ARHGEF10: variants seen among roughly 807,000 people sequenced by gnomAD.
ARHGEF10 encodes the protein Rho guanine nucleotide exchange factor (GEF) 10.
ARHGEF10 carries 140 observed loss-of-function variants against 147.4 expected under a neutral mutation model. The ratio of observed to expected loss-of-function variants is 0.95; its 90% confidence interval spans 0.83 to 1.09. ARHGEF10 has a LOEUF of 1.09. Ranked by LOEUF, ARHGEF10 falls within the 50% of genes least tolerant of loss-of-function variation. The pLI is 0.00. For missense variants in ARHGEF10, 2,222 were observed against 1,752.7 expected, an observed-to-expected ratio of 1.27 and a Z score of -4.78; for synonymous variants, 902 against 695.8, an observed-to-expected ratio of 1.30 and a Z score of -4.67.
chr8:1,926,370 A>C lies in ARHGEF10; in HGVS notation c.2611-7A>C. 1 of 1,612,556 alleles carries C rather than the reference A, an allele frequency of 6.2e-7. No individual in the cohort carries two copies. The highest frequency in any genetic ancestry group is 1.3e-5 in the African/African-American group (1 of 75,032). ...ATATGTGAGCGTTTGATTTTATTCCATTTTAGATTGAATGTGCTGCTTATA... is the reference window on the plus strand; with the variant it reads ...ATATGTGAGCGTTTGATTTTATTCCCTTTTAGATTGAATGTGCTGCTTATA... On this transcript the variant is annotated splice_region_variant and splice_polypyrimidine_tract_variant and intron_variant, in intron 22 of 28. Transcript: ENST00000349830.
At chr8:1,876,406 C>G in intron 7 of ARHGEF10, 165 bp from the exon 8 acceptor site, 1 of 721,322 alleles carries the variant, frequency 1.4e-6, no homozygotes, top group South Asian at 1.7e-5. Flanking sequence ...AGGCGCTGCA[C>G]GGTGCCTTCC....
chr8:1,826,040 C>T, intron 1 of ARHGEF10: 1 of 1,425,018 alleles, frequency 7.0e-7, no homozygotes, highest in Non-Finnish European at 9.7e-7. Flanking sequence ...CTGTCTGTCT[C>T]TCACAGCATT....
intron 18 of ARHGEF10, among the ~76,000 whole-genome samples, chr8:1,913,747 A>AT (rs1811549329): frequency 6.6e-6 from 1 of 152,210 alleles, no homozygotes; most frequent in African/African-American, 2.4e-5. Flanking sequence ...GCTCTGGCCC[A>AT]TTCCGCTTTC....
chr8:1,880,294 C>T lies in ARHGEF10; in HGVS notation c.960+130C>T, dbSNP rs11988378. On this transcript the variant is annotated intron_variant, in intron 9 of 28. Coordinates refer to ENST00000349830, the MANE Select transcript of ARHGEF10 (RefSeq NM_014629.4). Reference sequence around the variant, plus strand: ...GTGGTCCGGGGCTCCTGGAATCCCCCGACGCTTTGGGGCTCACGTGGACTC... The same window carrying T: ...GTGGTCCGGGGCTCCTGGAATCCCCTGACGCTTTGGGGCTCACGTGGACTC... 1,607 of 705,634 alleles carry T rather than the reference C, an allele frequency of 2.3e-3. 13 individuals carry two copies. The African/African-American group carries it at 0.024, about 11-fold the overall frequency. The allele number at this position is 705,634 out of a possible 1,614,324, so 43.7% of individuals were successfully genotyped here.
chr8:1,873,791 C>G (rs1314732668), intron 7 of ARHGEF10, among the ~76,000 whole-genome samples: 1 of 152,174 alleles, frequency 6.6e-6, no homozygotes, highest in Non-Finnish European at 1.5e-5. Context: ...GAGTTCGGGG[C>G]TCTCAGAACA....
intron 1 of ARHGEF10, among the ~76,000 whole-genome samples, chr8:1,830,351 C>T (rs1417158114): frequency 6.6e-6 from 1 of 151,978 alleles, no homozygotes; most frequent in East Asian, 1.9e-4. Context: ...ATCCAGGCTG[C>T]CAGGAGCCTC....
chr8:1,846,562 G>C (rs1804576952), intron 2 of ARHGEF10, among the ~76,000 whole-genome samples: 1 of 152,070 alleles, frequency 6.6e-6, no homozygotes, highest in Non-Finnish European at 1.5e-5. Flanking sequence ...CATAATTGTA[G>C]TCATTGAATA....
intron 25 of ARHGEF10, among the ~76,000 whole-genome samples, chr8:1,932,519 T>C (rs1813236911): frequency 6.6e-6 from 1 of 152,116 alleles, no homozygotes; most frequent in Admixed American, 6.6e-5. Flanking sequence ...TGCACGTGTG[T>C]GTGTGCGTGC....
At chr8:1,893,955 C>T (rs564994403) in intron 12 of ARHGEF10, among the ~76,000 whole-genome samples, 4 of 152,026 alleles carry the variant, frequency 2.6e-5, no homozygotes, top group Non-Finnish European at 5.9e-5. Context: ...AGGTGGATTG[C>T]CTGAGCTCAG....
rs371632836 is a variant in ARHGEF10 at position 1,901,171 on chromosome 8, G to A, written c.1651-2110G>A. ...GTACTCAGGGCACCCGGGATGGGGCGAGGAGACAGGCTGCAGAGAGTCAGC... is the reference window on the plus strand; with the variant it reads ...GTACTCAGGGCACCCGGGATGGGGCAAGGAGACAGGCTGCAGAGAGTCAGC... On this transcript the variant is annotated intron_variant, in intron 15 of 28. Transcript: ENST00000349830. Among the ~76,000 whole-genome samples the A allele has an allele frequency of 1.6e-4, 25 of 152,154 alleles. 2 individuals carry two copies. The South Asian group carries it at 5.0e-3, about 30-fold the overall frequency.
chr8:1,923,381 C>G, intron 19 of ARHGEF10, 87 bp from the exon 20 acceptor site: 3 of 1,572,534 alleles, frequency 1.9e-6, no homozygotes, highest in Admixed American at 1.7e-5. Flanking sequence ...CTGAATTTCT[C>G]ATATTAAAAT....
At chr8:1,881,523 C>T (rs1808192987) in intron 9 of ARHGEF10, among the ~76,000 whole-genome samples, 1 of 152,172 alleles carries the variant, frequency 6.6e-6, no homozygotes, top group African/African-American at 2.4e-5. Flanking sequence ...GGCAGCAGGA[C>T]ATGGTCCCAT....
At position 1,896,421 on chromosome 8, in the gene ARHGEF10, C is replaced by T. The variant is rs752621741; in HGVS notation, c.1529C>T (p.Thr510Ile). 94 of 1,613,496 alleles carry T rather than the reference C, an allele frequency of 5.8e-5. No individual in the cohort carries two copies. Among genetic ancestry groups the T allele is most frequent in the East Asian group, 8.9e-5 (4 of 44,888 alleles). The part of the protein sequence containing the change: ...AVAVLKKTCA[T>I]KPAFLEFLKQ... ...GCAGTCCTCAAGAAAACATGTGCCA[C>T]AAAGCCCGCTTTTCTTGAATTTTTA... Residue 510 changes from threonine (T) to isoleucine (I), a missense_variant, in exon 14 of 29, where the codon ACA (threonine) becomes ATA (isoleucine). Transcript: ENST00000349830.
intron 19 of ARHGEF10, 115 bp from the exon 20 acceptor site, chr8:1,923,353 C>G: frequency 2.0e-6 from 3 of 1,475,874 alleles, no homozygotes; most frequent in Non-Finnish European, 2.8e-6. Context: ...TTTTCATAAT[C>G]TAATAGTTTC....
intron 15 of ARHGEF10, among the ~76,000 whole-genome samples, chr8:1,902,161 C>T (rs901895924): frequency 2.6e-5 from 4 of 152,178 alleles, no homozygotes; most frequent in Non-Finnish European, 4.4e-5. Context: ...CCCCCCGCCC[C>T]GCAACAGGCC....
chr8:1,890,319 T>C (rs1809391754), intron 11 of ARHGEF10, among the ~76,000 whole-genome samples: 1 of 136,918 alleles, frequency 7.3e-6, no homozygotes, highest in Non-Finnish European at 1.5e-5. Flanking sequence ...GGGGTGAGGG[T>C]TGTGAGCAGA....
intron 9 of ARHGEF10, among the ~76,000 whole-genome samples, chr8:1,880,852 C>T (rs1585373343): frequency 1.3e-5 from 2 of 152,202 alleles, no homozygotes; most frequent in South Asian, 2.1e-4. Flanking sequence ...ATGTGCACTC[C>T]ACACAGCTTC....
At chr8:1,929,574 C>T in intron 25 of ARHGEF10, 131 bp downstream of exon 25, 1 of 1,126,498 alleles carries the variant, frequency 8.9e-7, no homozygotes, top group Non-Finnish European at 1.2e-6. Context: ...CTGCGCTCGT[C>T]ACCCTTGCCC....
intron 16 of ARHGEF10, 182 bp downstream of exon 16, chr8:1,903,633 A>T (rs1184823520): frequency 1.4e-6 from 1 of 701,714 alleles, no homozygotes; most frequent in Non-Finnish European, 2.4e-6. Flanking sequence ...TTGTATGTAA[A>T]ACCTTAACAG....
Sources: gnomAD v4.1 joint callset for allele counts (sites outside exome capture counted in the v4.1 genomes callset) on GRCh38, gnomAD v4.1.1 for gene constraint, MANE v1.5 for transcripts, NCBI Gene and HGNC (gene_info 2026-07-23, HGNC 2026-07-21) for gene names.